Variants in NKAIN2 observed in about 807,000 individuals in gnomAD.
NKAIN2 encodes the protein sodium/potassium-transporting ATPase subunit beta-1-interacting protein 2.
Under a neutral mutation model 32.6 loss-of-function variants are expected in NKAIN2, and 14 were observed. The observed-to-expected ratio is 0.43, with a 90% CI of 0.28 to 0.67. The LOEUF (loss-of-function observed/expected upper bound fraction) is 0.67. Among genes scored for constraint, NKAIN2 ranks in the 30% least tolerant of loss-of-function variants. The pLI is 0.17. For missense variants in NKAIN2, 198 were observed against 258.3 expected, an observed-to-expected ratio of 0.77 and a Z score of 1.60; for synonymous variants, 80 against 87.2, an observed-to-expected ratio of 0.92 and a Z score of 0.46.
intron 4 of NKAIN2, among the ~76,000 whole-genome samples, chr6:124,786,054 T>C (rs2786911): frequency 0.91 from 139,040 of 152,096 alleles, 64,093 homozygotes; most frequent in East Asian, 1. Context: ...CACTGTAAAA[T>C]TTTCTGTCTT....
At chr6:124,480,973 T>C (rs938920874) in intron 3 of NKAIN2, among the ~76,000 whole-genome samples, 3 of 152,044 alleles carry the variant, frequency 2.0e-5, no homozygotes, top group African/African-American at 7.2e-5. Context: ...AAACTCTTAT[T>C]AGGAGTAACA....
At chr6:124,110,246 T>C (rs1785318761) in intron 1 of NKAIN2, among the ~76,000 whole-genome samples, 1 of 151,930 alleles carries the variant, frequency 6.6e-6, no homozygotes, top group African/African-American at 2.4e-5. Flanking sequence ...TCAATAAATG[T>C]GATGCATCAC....
chr6:124,497,424 A>C (rs1199013902), intron 3 of NKAIN2, among the ~76,000 whole-genome samples: 1 of 152,176 alleles, frequency 6.6e-6, no homozygotes, highest in Non-Finnish European at 1.5e-5. Flanking sequence ...ATACATCGCT[A>C]GGGCTTTTCA....
chr6:123,913,063 G>A (rs1047721403), intron 1 of NKAIN2, among the ~76,000 whole-genome samples: 9 of 152,262 alleles, frequency 5.9e-5, no homozygotes, highest in South Asian at 2.1e-4. Flanking sequence ...GCCAATATGC[G>A]TAGGTCAATA....
chr6:124,503,532 C>T (rs1778371176), intron 3 of NKAIN2, among the ~76,000 whole-genome samples: 1 of 152,026 alleles, frequency 6.6e-6, no homozygotes, highest in South Asian at 2.1e-4. Context: ...GTGAAGCAGT[C>T]TATATAGGTT....
chr6:123,864,657 GGAA>G (rs1387655387), intron 1 of NKAIN2, among the ~76,000 whole-genome samples: 1 of 152,114 alleles, frequency 6.6e-6, no homozygotes. Context: ...ATAACTGGAG[GGAA>G]GAACATTTTG....
At chr6:124,156,380 A>G (rs1052155112) in intron 1 of NKAIN2, among the ~76,000 whole-genome samples, 1 of 152,192 alleles carries the variant, frequency 6.6e-6, no homozygotes, top group Non-Finnish European at 1.5e-5. Flanking sequence ...CCAGGATTTC[A>G]GCAGTGAGGA....
chr6:124,352,568 A>G (rs1247088665), intron 2 of NKAIN2, among the ~76,000 whole-genome samples: 2 of 152,226 alleles, frequency 1.3e-5, no homozygotes, highest in Non-Finnish European at 2.9e-5. Flanking sequence ...TGTGTAATAC[A>G]GTGTCTTTCA....
rs924480404 is a variant in NKAIN2 at position 124,386,970 on chromosome 6, T to C, written c.273+31623T>C. On this transcript the variant is annotated intron_variant, in intron 3 of 6. Transcript: ENST00000368417. ...AGTTTTAGCAGAATTCATGTTGCTC[T>C]ACTTGGGGCTCTTTTCAAACTAATT... Among the ~76,000 whole-genome samples, 21 of 152,162 alleles carry C rather than the reference T, an allele frequency of 1.4e-4. 1 individual carries two copies. Among genetic ancestry groups the C allele is most frequent in the Admixed American group, 1.1e-3 (17 of 15,256 alleles).
chr6:124,077,737 T>C (rs557381944), intron 1 of NKAIN2, among the ~76,000 whole-genome samples: 65 of 151,882 alleles, frequency 4.3e-4, no homozygotes, highest in Middle Eastern at 3.4e-3. Flanking sequence ...TGTGGGACCA[T>C]AGATGCTCAC....
In NKAIN2 at chr6:123,838,879, A is replaced by G. The variant is rs180800673; in HGVS notation, c.54+34625A>G. Among the ~76,000 whole-genome samples, 552 of 152,320 alleles carry G rather than the reference A, an allele frequency of 3.6e-3. 6 individuals carry two copies. The highest frequency in any genetic ancestry group is 0.013 in the African/African-American group (530 of 41,578). On this transcript the variant is annotated intron_variant, in intron 1 of 6. Transcript: ENST00000368417. ...TTACCTCCTAAGGTTAGATTAGAAA[A>G]TCTATTCTTTCTCCCTTTGCCCACT...
intron 4 of NKAIN2, among the ~76,000 whole-genome samples, chr6:124,663,693 T>A (rs1203049911): frequency 6.6e-6 from 1 of 152,208 alleles, no homozygotes; most frequent in Non-Finnish European, 1.5e-5. Flanking sequence ...CTTGGTAGTA[T>A]TTTTGGTGTA....
chr6:123,992,375 T>C (rs1779447239), intron 1 of NKAIN2, among the ~76,000 whole-genome samples: 1 of 152,118 alleles, frequency 6.6e-6, no homozygotes, highest in African/African-American at 2.4e-5. Context: ...ATGAAGGTGG[T>C]GGTGGTGGTC....
intron 1 of NKAIN2, among the ~76,000 whole-genome samples, chr6:123,945,744 C>T (rs1777032958): frequency 6.6e-6 from 1 of 152,108 alleles, no homozygotes. Context: ...ACCATTTCTA[C>T]ATAACAATTG....
rs555719365 is a variant in NKAIN2 at position 124,037,185 on chromosome 6, A to G, written c.54+232931A>G. Among the ~76,000 whole-genome samples the G allele has an allele frequency of 4.6e-5, 7 of 152,272 alleles. No homozygotes were observed. In the South Asian group the frequency reaches 1.4e-3, roughly 32 times the overall value. Reference sequence around the variant, plus strand: ...ACTTCCAAGAAGGAAAACCGATCAGAGAGTCACACAGAAATTAATGGCAGG... The same window carrying G: ...ACTTCCAAGAAGGAAAACCGATCAGGGAGTCACACAGAAATTAATGGCAGG... On this transcript the variant is annotated intron_variant, in intron 1 of 6. Coordinates refer to ENST00000368417, the MANE Select transcript of NKAIN2 (RefSeq NM_001040214.3).
chr6:124,430,308 C>T (rs2114561915), intron 3 of NKAIN2, among the ~76,000 whole-genome samples: 1 of 152,284 alleles, frequency 6.6e-6, no homozygotes, highest in East Asian at 1.9e-4. Flanking sequence ...TGCATATGAG[C>T]ACATGTTCCT....
rs144614974 is a variant in NKAIN2, at chr6:124,334,318, G to C, written c.193-20949G>C. Among the ~76,000 whole-genome samples the C allele has an allele frequency of 2.5e-3, 381 of 152,256 alleles. 2 individuals carry two copies. Among genetic ancestry groups the C allele is most frequent in the African/African-American group, 8.9e-3 (368 of 41,554 alleles). ...AGGTAACATCCAAAGGGTTCTCCTT[G>C]CCTGCTCCCCAGACAGAGTCGATTT... On this transcript the variant is annotated intron_variant, in intron 2 of 6. Coordinates refer to ENST00000368417, the MANE Select transcript of NKAIN2 (RefSeq NM_001040214.3).
chr6:124,485,380 G>A (rs1303942737), intron 3 of NKAIN2, among the ~76,000 whole-genome samples: 1 of 152,000 alleles, frequency 6.6e-6, no homozygotes, highest in African/African-American at 2.4e-5. Flanking sequence ...AATGAAAGCA[G>A]ACTCTCTCCT....
At chr6:124,181,394 C>T (rs1789440913) in intron 1 of NKAIN2, among the ~76,000 whole-genome samples, 1 of 152,132 alleles carries the variant, frequency 6.6e-6, no homozygotes, top group Non-Finnish European at 1.5e-5. Flanking sequence ...TTTGGCCCCT[C>T]ATTTTGCAAA....
Sources: allele counts gnomAD v4.1 joint callset (sites outside exome capture counted in the v4.1 genomes callset), GRCh38; gene constraint gnomAD v4.1.1; transcripts MANE v1.5; gene names NCBI Gene and HGNC (gene_info 2026-07-23, HGNC 2026-07-21).